MEIKIN: variants seen among roughly 807,000 people sequenced by gnomAD.
The protein encoded by MEIKIN is meiosis-specific kinetochore protein.
intron 7 of MEIKIN, among the ~76,000 whole-genome samples, chr5:131,912,932 T>C (rs938862364): frequency 6.6e-6 from 1 of 152,224 alleles, no homozygotes; most frequent in African/African-American, 2.4e-5. Context: ...CCTTGCCTAT[T>C]TGGAAACTAC....
rs1314157363 is a variant in MEIKIN at position 131,842,130 on chromosome 5, C to A, written c.975+9134G>T. On this transcript the variant is annotated intron_variant, in intron 11 of 12. Transcript: ENST00000442687. ...TACAGGTGCATGCCATCACGCCCAA[C>A]TAATTTTTGTATTTTTAGTAGAGAT... Among the ~76,000 whole-genome samples the A allele has an allele frequency of 2.6e-5, 4 of 152,000 alleles. No homozygotes were observed. In the East Asian group the frequency reaches 5.8e-4, roughly 22 times the overall value.
intron 8 of MEIKIN, among the ~76,000 whole-genome samples, chr5:131,894,343 G>T (rs1008806061): frequency 6.6e-6 from 1 of 152,140 alleles, no homozygotes; most frequent in African/African-American, 2.4e-5. Flanking sequence ...GATGCCTCCA[G>T]CTTTGTTCTT....
intron 11 of MEIKIN, among the ~76,000 whole-genome samples, chr5:131,843,254 C>T (rs1749950521): frequency 1.3e-5 from 2 of 152,244 alleles, no homozygotes; most frequent in South Asian, 4.1e-4. Flanking sequence ...CTCTGAAATT[C>T]CCTGTAGGTA....
At chr5:131,812,756 G>A (rs143708588) in intron 12 of MEIKIN, among the ~76,000 whole-genome samples, 77 of 152,364 alleles carry the variant, frequency 5.1e-4, no homozygotes, top group African/African-American at 1.8e-3. Context: ...CAGATCCAAC[G>A]GTGCTTGTAG....
chr5:131,844,395 T>C (rs1046549177), intron 11 of MEIKIN, among the ~76,000 whole-genome samples: 12 of 152,064 alleles, frequency 7.9e-5, no homozygotes, highest in Middle Eastern at 3.2e-3. Context: ...AAACAAACAA[T>C]ATGAGTCTTA....
chr5:131,843,566 C>T (rs1337346431), intron 11 of MEIKIN, among the ~76,000 whole-genome samples: 1 of 152,176 alleles, frequency 6.6e-6, no homozygotes, highest in Non-Finnish European at 1.5e-5. Flanking sequence ...GTTCAAAGTT[C>T]CACAGATCTT....
At position 131,921,808 on chromosome 5, in the gene MEIKIN, T is replaced by C. The variant is rs1312772433; in HGVS notation, c.598+14A>G. 2 of 398,890 alleles carry C rather than the reference T, an allele frequency of 5.0e-6. No homozygotes were observed. Among genetic ancestry groups the C allele is most frequent in the Non-Finnish European group, 8.8e-6 (2 of 226,022 alleles). The allele number at this position is 398,890 out of a possible 1,614,324, so 24.7% of individuals were successfully genotyped here. ...AACATAGATGAGAAATGTTCCCCTG[T>C]GTGTGCAACTCACTGAAAATTGCTG... On this transcript the variant is annotated intron_variant, in intron 6 of 12. Transcript: ENST00000442687.
At chr5:131,921,786 A>C (rs959922190) in intron 6 of MEIKIN, 36 bp downstream of exon 6, 2 of 398,786 alleles carry the variant, frequency 5.0e-6, no homozygotes, top group African/African-American at 2.1e-5. Context: ...CTTTTCCAAC[A>C]TAGATGAGAA....
intron 3 of MEIKIN, 47 bp downstream of exon 3, chr5:131,944,618 G>A (rs1751930541): frequency 5.0e-6 from 2 of 398,852 alleles, no homozygotes; most frequent in African/African-American, 4.1e-5. Context: ...GGTACTGATA[G>A]TCTCTACACT....
chr5:131,856,514 T>C (rs563956625), intron 9 of MEIKIN, among the ~76,000 whole-genome samples: 18 of 152,342 alleles, frequency 1.2e-4, no homozygotes, highest in African/African-American at 4.1e-4. Context: ...ACTTTCATAA[T>C]AGACAATCTT....
chr5:131,926,463 T>A (rs542447145), intron 5 of MEIKIN, among the ~76,000 whole-genome samples: 5 of 152,330 alleles, frequency 3.3e-5, no homozygotes, highest in African/African-American at 1.2e-4. Context: ...GATTTTTACA[T>A]CTATGTTCAT....
chr5:131,884,772 G>A (rs1484604324), intron 8 of MEIKIN, among the ~76,000 whole-genome samples: 2 of 150,862 alleles, frequency 1.3e-5, no homozygotes, highest in African/African-American at 4.9e-5. Flanking sequence ...CAGCATTTCT[G>A]GATGTGCCCT....
chr5:131,886,805 A>AT (rs1281893366), intron 8 of MEIKIN, among the ~76,000 whole-genome samples: 1 of 151,942 alleles, frequency 6.6e-6, no homozygotes, highest in Non-Finnish European at 1.5e-5. Context: ...TTATCTCTTT[A>AT]TTTTTTATTT....
At chr5:131,847,480 C>T (rs1033329763) in intron 11 of MEIKIN, among the ~76,000 whole-genome samples, 1 of 151,870 alleles carries the variant, frequency 6.6e-6, no homozygotes, top group Non-Finnish European at 1.5e-5. Flanking sequence ...CTCAAGATAG[C>T]AAGAACATAT....
chr5:131,944,556 G>A (rs1168909468), intron 3 of MEIKIN, 109 bp downstream of exon 3: 1 of 396,804 alleles, frequency 2.5e-6, no homozygotes, highest in African/African-American at 2.1e-5. Flanking sequence ...GGTGAGCTAT[G>A]TAACATCTAC....
chr5:131,827,902 G>T (rs950312140), intron 11 of MEIKIN, among the ~76,000 whole-genome samples: 1 of 152,090 alleles, frequency 6.6e-6, no homozygotes, highest in South Asian at 2.1e-4. Flanking sequence ...AAAATAATTT[G>T]CCAGGCATGG....
chr5:131,834,820 CA>C (rs1358604170), intron 11 of MEIKIN, among the ~76,000 whole-genome samples: 12 of 152,152 alleles, frequency 7.9e-5, no homozygotes, highest in Admixed American at 7.2e-4. Context: ...TGAATATATA[CA>C]CAAAGTTGAA....
intron 12 of MEIKIN, among the ~76,000 whole-genome samples, chr5:131,815,160 AC>A (rs762986308): frequency 3.8e-4 from 58 of 152,210 alleles, no homozygotes; most frequent in Non-Finnish European, 6.3e-4. Flanking sequence ...CAAGGAACTC[AC>A]GTCACAGCAA....
chr5:131,878,699 T>A (rs1049203531), intron 9 of MEIKIN, among the ~76,000 whole-genome samples: 17 of 151,932 alleles, frequency 1.1e-4, no homozygotes, highest in African/African-American at 3.4e-4. Context: ...TGATACCCCA[T>A]CTTTACAAAA....
Sources: gnomAD v4.1 joint callset for allele counts (sites outside exome capture counted in the v4.1 genomes callset) on GRCh38, gnomAD v4.1.1 for gene constraint, MANE v1.5 for transcripts, NCBI Gene and HGNC (gene_info 2026-07-23, HGNC 2026-07-21) for gene names.